LRRTM4: variants seen among roughly 807,000 people sequenced by gnomAD.
LRRTM4 encodes the protein leucine-rich repeat transmembrane neuronal protein 4.
LRRTM4 carries 25 observed loss-of-function variants against 47.6 expected under a neutral mutation model. The ratio of observed to expected loss-of-function variants is 0.53; its 90% confidence interval spans 0.38 to 0.73. LRRTM4 has a LOEUF of 0.73. LRRTM4 is among the 30% of genes least tolerant of loss of function. The pLI is 0.00. For synonymous variants in LRRTM4, 311 were observed against 269.5 expected, an observed-to-expected ratio of 1.15 and a Z score of -1.51; for missense variants, 638 against 713.4, an observed-to-expected ratio of 0.89 and a Z score of 1.20.
At chr2:76,911,926 T>A (rs1253956511) in intron 3 of LRRTM4, among the ~76,000 whole-genome samples, 2 of 36,924 alleles carry the variant, frequency 5.4e-5, no homozygotes, top group Non-Finnish European at 1.3e-4. Flanking sequence ...AGTTGTGGTA[T>A]GTGCTTTTTG....
At chr2:76,942,752 GATATAATTTACTTAACATTCTTA>G (rs934914022) in intron 3 of LRRTM4, among the ~76,000 whole-genome samples, 2 of 150,556 alleles carry the variant, frequency 1.3e-5, no homozygotes, top group African/African-American at 2.5e-5. Flanking sequence ...TTTAGTGCAT[GATATAATTTACTTAACATTCTTA>G]ATAAGAGTGT....
At chr2:76,912,309 T>C (rs1674096481) in intron 3 of LRRTM4, among the ~76,000 whole-genome samples, 1 of 152,196 alleles carries the variant, frequency 6.6e-6, no homozygotes, top group Admixed American at 6.5e-5. Context: ...CAAGACTCAT[T>C]TCATGTTAAT....
chr2:77,345,299 G>A (rs528724089), intron 3 of LRRTM4, among the ~76,000 whole-genome samples: 3 of 151,804 alleles, frequency 2.0e-5, no homozygotes, highest in South Asian at 2.1e-4. Context: ...ATTGGTAAAC[G>A]GGATTTTATC....
At chr2:77,496,933 TTA>T (rs1275894780) in intron 3 of LRRTM4, among the ~76,000 whole-genome samples, 2 of 151,794 alleles carry the variant, frequency 1.3e-5, no homozygotes, top group African/African-American at 4.8e-5. Flanking sequence ...ACCTAGATTT[TTA>T]TGTGTGGGTA....
At chr2:77,229,813 A>T (rs967696747) in intron 3 of LRRTM4, among the ~76,000 whole-genome samples, 2 of 152,092 alleles carry the variant, frequency 1.3e-5, no homozygotes, top group African/African-American at 4.8e-5. Context: ...ATACCTGAAT[A>T]TCTTGCTTTC....
chr2:77,409,090 C>T (rs1233671594), intron 3 of LRRTM4, among the ~76,000 whole-genome samples: 6 of 151,962 alleles, frequency 3.9e-5, no homozygotes, highest in Admixed American at 6.6e-5. Flanking sequence ...ATTTTCATCA[C>T]GATAGTTAAT....
chr2:76,897,890 A>T (rs552176667), intron 3 of LRRTM4, among the ~76,000 whole-genome samples: 1 of 152,276 alleles, frequency 6.6e-6, no homozygotes, highest in African/African-American at 2.4e-5. Flanking sequence ...GCAGAAGCAT[A>T]AGACGTTTTC....
At chr2:76,977,679 T>C (rs749480644) in intron 3 of LRRTM4, among the ~76,000 whole-genome samples, 5 of 152,010 alleles carry the variant, frequency 3.3e-5, no homozygotes, top group Admixed American at 6.6e-5. Context: ...TTTTAAAATA[T>C]TGATGACGTT....
At chr2:76,883,594 C>A (rs973439331) in intron 3 of LRRTM4, among the ~76,000 whole-genome samples, 4 of 152,120 alleles carry the variant, frequency 2.6e-5, no homozygotes, top group Admixed American at 2.6e-4. Context: ...GAGGAAGACT[C>A]CTGTTAGCAA....
At chr2:76,944,118 C>T (rs767522804) in intron 3 of LRRTM4, among the ~76,000 whole-genome samples, 1 of 152,136 alleles carries the variant, frequency 6.6e-6, no homozygotes, top group Non-Finnish European at 1.5e-5. Context: ...CCTTGCTTGC[C>T]TCTCACATCT....
chr2:77,018,316 GAACA>G (rs956280538), intron 3 of LRRTM4, among the ~76,000 whole-genome samples: 2 of 129,426 alleles, frequency 1.5e-5, no homozygotes, highest in Non-Finnish European at 1.6e-5. Flanking sequence ...GGTGAAAAGA[GAACA>G]GTCAGGGAAT....
At chr2:76,987,732 G>A (rs922892301) in intron 3 of LRRTM4, among the ~76,000 whole-genome samples, 1 of 151,722 alleles carries the variant, frequency 6.6e-6, no homozygotes, top group East Asian at 1.9e-4. Flanking sequence ...CAACCAGTAC[G>A]ACAGAGTCTC....
intron 3 of LRRTM4, among the ~76,000 whole-genome samples, chr2:76,814,762 A>C (rs1670849504): frequency 6.6e-6 from 1 of 151,838 alleles, no homozygotes; most frequent in East Asian, 1.9e-4. Context: ...GATGACTGTA[A>C]TAACAATAGC....
chr2:77,138,829 A>G (rs1184040955), intron 3 of LRRTM4, among the ~76,000 whole-genome samples: 1 of 152,230 alleles, frequency 6.6e-6, no homozygotes, highest in Non-Finnish European at 1.5e-5. Flanking sequence ...TTACCATCAA[A>G]GAATACTATA....
intron 3 of LRRTM4, among the ~76,000 whole-genome samples, chr2:76,942,679 T>A (rs980376147): frequency 1.4e-4 from 19 of 134,052 alleles, no homozygotes; most frequent in East Asian, 4.2e-4. Flanking sequence ...TAGGAATCTG[T>A]GTGTGTGTGT....
At chr2:77,038,051 C>T (rs148156761) in intron 3 of LRRTM4, among the ~76,000 whole-genome samples, 60 of 151,646 alleles carry the variant, frequency 4.0e-4, no homozygotes, top group African/African-American at 1.4e-3. Context: ...GACTTTCTCC[C>T]CAGTGATGTG....
intron 3 of LRRTM4, among the ~76,000 whole-genome samples, chr2:77,037,779 G>C (rs1188203177): frequency 6.6e-6 from 1 of 151,680 alleles, no homozygotes; most frequent in Non-Finnish European, 1.5e-5. Context: ...AACCACCAGA[G>C]TTTATCTTTG....
chr2:77,437,766 CT>C (rs1357788176), intron 3 of LRRTM4, among the ~76,000 whole-genome samples: 1 of 151,972 alleles, frequency 6.6e-6, no homozygotes, highest in East Asian at 1.9e-4. Context: ...GCCTTAGTTC[CT>C]TTTTGAATGT....
At chr2:77,229,489 T>C (rs1333638828) in intron 3 of LRRTM4, among the ~76,000 whole-genome samples, 88 of 152,236 alleles carry the variant, frequency 5.8e-4, no homozygotes, top group Non-Finnish European at 8.8e-5. Flanking sequence ...TAACGTTGCG[T>C]CTCAAGTCTT....
Sources: gnomAD v4.1 joint callset for allele counts (sites outside exome capture counted in the v4.1 genomes callset) on GRCh38, gnomAD v4.1.1 for gene constraint, MANE v1.5 for transcripts, NCBI Gene and HGNC (gene_info 2026-07-23, HGNC 2026-07-21) for gene names.